The following LY9 variants were observed in gnomAD, a reference collection of about 807,000 sequenced individuals.
LY9 encodes the protein T-lymphocyte surface antigen Ly-9.
LY9 carries 59 observed loss-of-function variants against 64.6 expected under a neutral mutation model. The observed-to-expected ratio is 0.91, with a 90% CI of 0.74 to 1.13. The LOEUF is 1.13. Ranked by LOEUF, LY9 falls within the 50% of genes most tolerant of loss-of-function variation. LY9 has a pLI of 0.00. For missense variants in LY9, 789 were observed against 797.2 expected (o/e 0.99, Z 0.12); for synonymous variants, 281 against 308.5 (o/e 0.91, Z 0.93).
chr1:160,802,974 G>C (rs1463182078), intron 2 of LY9, among the ~76,000 whole-genome samples: 1 of 152,004 alleles, frequency 6.6e-6, no homozygotes, highest in Non-Finnish European at 1.5e-5. Context: ...TTGTGCTTCC[G>C]TATATATTTT....
At chr1:160,820,593 C>T (rs1668339946) in intron 7 of LY9, among the ~76,000 whole-genome samples, 1 of 152,028 alleles carries the variant, frequency 6.6e-6, no homozygotes, top group African/African-American at 2.4e-5. Flanking sequence ...GACTATGAAG[C>T]TCCCCATCAG....
In LY9 at chr1:160,805,141, T is replaced by C. The variant is rs570070091; in HGVS notation, c.454+5059T>C. Among the ~76,000 whole-genome samples the C allele has an allele frequency of 2.7e-4, 41 of 152,246 alleles. No individual in the cohort carries two copies. The South Asian group carries it at 8.3e-3, about 31-fold the overall frequency. ...TTATTATTTCTTTTCTTCTACTAAT[T>C]TTGGGCTTAGTTTGTTCTTGCTTTT... On this transcript the variant is annotated intron_variant, in intron 2 of 9. Transcript: ENST00000263285.
chr1:160,819,790 C>CA (rs147882749), intron 7 of LY9, among the ~76,000 whole-genome samples: 1,107 of 87,236 alleles, frequency 0.013, 31 homozygotes, highest in African/African-American at 0.048. Flanking sequence ...GACTCTGTCT[C>CA]AAAAAAAAAA....
At chr1:160,811,469 C>T (rs1019063799) in intron 2 of LY9, 5 of 152,202 alleles carry the variant, frequency 3.3e-5, no homozygotes, top group Admixed American at 3.3e-4. Flanking sequence ...GTTCTGGCTC[C>T]ATCTTGCTTG....
rs1667783180 is a variant in LY9 at position 160,814,506 on chromosome 1, GC to G, written c.819del (p.Cys274AlafsTer49). 1 of 1,614,056 alleles carries G rather than the reference GC, an allele frequency of 6.2e-7. No individual in the cohort carries two copies. The highest frequency in any genetic ancestry group is 8.5e-7 in the Non-Finnish European group (1 of 1,180,034). On this transcript the variant is annotated frameshift_variant, in exon 4 of 10. Transcript: ENST00000263285. LOFTEE classifies it high-confidence loss of function. ...AGTCACCCTGCCACTTGCACTCCCA[GC>G]CTGCCGGGACACAGAGAAGGTTGTC... is the stretch of plus-strand genomic sequence containing the variant. The part of the protein sequence containing the change: ...EPVTLPLALP[A>X]CRDTEKVVWL...
intron 2 of LY9, among the ~76,000 whole-genome samples, chr1:160,809,301 C>A (rs1171042296): frequency 6.6e-6 from 1 of 150,788 alleles, no homozygotes; most frequent in Non-Finnish European, 1.5e-5. Context: ...ACTACAGGTA[C>A]TTGCCACCAT....
At chr1:160,804,498 C>A (rs1034235940) in intron 2 of LY9, among the ~76,000 whole-genome samples, 3 of 151,870 alleles carry the variant, frequency 2.0e-5, no homozygotes, top group Non-Finnish European at 4.4e-5. Context: ...TAGTATTTTG[C>A]TGAGGATTGT....
intron 2 of LY9, chr1:160,801,754 T>A: frequency 6.5e-7 from 1 of 1,538,646 alleles, no homozygotes; most frequent in Non-Finnish European, 9.0e-7. Flanking sequence ...GGGGTTCAAC[T>A]TCATTCTTCT....
intron 1 of LY9, among the ~76,000 whole-genome samples, chr1:160,796,753 A>G (rs772615338): frequency 6.6e-5 from 10 of 152,180 alleles, no homozygotes; most frequent in Non-Finnish European, 1.3e-4. Context: ...TTCGTGCACT[A>G]TGAAGGGGGT....
chr1:160,809,186 T>C lies in LY9; in HGVS notation c.455-4450T>C, dbSNP rs1009814140. ...TCAAATTACTGAATCTAATGGTATA[T>C]GCATTCTTTTTTTTTTTGAGACATC... On this transcript the variant is annotated intron_variant, in intron 2 of 9. Transcript: ENST00000263285. 2.8e-5 allele frequency among the ~76,000 whole-genome samples: 4 copies of C among 140,670 alleles called. No homozygotes were observed. In the Admixed American group the frequency reaches 3.0e-4, roughly 11 times the overall value. 92.3% of individuals were successfully genotyped at this position (140,670 alleles called of 152,430 possible).
At chr1:160,821,562 C>T (rs1668451344) in intron 7 of LY9, among the ~76,000 whole-genome samples, 2 of 152,176 alleles carry the variant, frequency 1.3e-5, no homozygotes, top group African/African-American at 2.4e-5. Context: ...CTAATAGTTT[C>T]TTTGCAGACT....
intron 5 of LY9, among the ~76,000 whole-genome samples, chr1:160,817,902 CG>C (rs1476637841): frequency 6.6e-6 from 1 of 152,042 alleles, no homozygotes; most frequent in African/African-American, 2.4e-5. Flanking sequence ...TCATTTACAG[CG>C]GGGCAGTGTA....
chr1:160,827,989 A>G lies in LY9; in HGVS notation c.*173A>G. 2.0e-6 allele frequency: 1 copy of G among 498,258 alleles called. No homozygotes were observed. Among genetic ancestry groups the G allele is most frequent in the South Asian group, 2.8e-5 (1 of 35,308 alleles). The allele number at this position is 498,258 out of a possible 1,614,324, so 30.9% of individuals were successfully genotyped here. On this transcript the variant is annotated 3_prime_UTR_variant, in exon 10 of 10. Coordinates refer to ENST00000263285, the MANE Select transcript of LY9 (RefSeq NM_002348.4). Reference sequence around the variant, plus strand: ...CTCACCCTTAAGGACTCCCAAACCCATTAATAGTTCAGACACAGGCTCCTT... The same window carrying G: ...CTCACCCTTAAGGACTCCCAAACCCGTTAATAGTTCAGACACAGGCTCCTT...
chr1:160,822,470 G>A (rs1056386167), intron 7 of LY9, among the ~76,000 whole-genome samples: 2 of 152,202 alleles, frequency 1.3e-5, no homozygotes, highest in South Asian at 2.1e-4. Flanking sequence ...GGCAGGGAAG[G>A]GAAGATGGAG....
At chr1:160,824,744 C>T (rs1668753279) in intron 9 of LY9, 2 of 681,326 alleles carry the variant, frequency 2.9e-6, no homozygotes, top group South Asian at 6.9e-5. Context: ...CTTTGGGAGG[C>T]CAAGGCGGGT....
At position 160,821,166 on chromosome 1, in the gene LY9, A is replaced by C. The variant is rs1025734540; in HGVS notation, c.1498+1792A>C. ...GAAACTTTGCTAAAAAAAAAAAAAA[A>C]AAACCATATATTCACATGGCATACA... On this transcript the variant is annotated intron_variant, in intron 7 of 9. Coordinates refer to ENST00000263285, the MANE Select transcript of LY9 (RefSeq NM_002348.4). 8.0e-4 allele frequency among the ~76,000 whole-genome samples: 113 copies of C among 140,478 alleles called. 1 individual carries two copies. Among genetic ancestry groups the C allele is most frequent in the African/African-American group, 3.4e-3 (107 of 31,118 alleles). 92.2% of individuals were successfully genotyped at this position (140,478 alleles called of 152,430 possible).
chr1:160,813,530 C>T (rs1422084937), intron 2 of LY9, 106 bp from the exon 3 acceptor site: 1 of 1,127,764 alleles, frequency 8.9e-7, no homozygotes, highest in East Asian at 2.4e-5. Flanking sequence ...GTAACGCTGG[C>T]CTCTCTCTGC....
chr1:160,803,870 A>T (rs1666732826), intron 2 of LY9, among the ~76,000 whole-genome samples: 1 of 152,144 alleles, frequency 6.6e-6, no homozygotes, highest in African/African-American at 2.4e-5. Flanking sequence ...TTAGCTGGGC[A>T]TGGTGGCATG....
At chr1:160,813,488 C>T in intron 2 of LY9, 148 bp from the exon 3 acceptor site, 1 of 704,894 alleles carries the variant, frequency 1.4e-6, no homozygotes, top group Non-Finnish European at 2.3e-6. Context: ...AGGCTGTCAA[C>T]CCAGCCTGCA....
Sources: allele counts gnomAD v4.1 joint callset (sites outside exome capture counted in the v4.1 genomes callset), GRCh38; gene constraint gnomAD v4.1.1; transcripts MANE v1.5; gene names NCBI Gene and HGNC (gene_info 2026-07-23, HGNC 2026-07-21).